CDC25C: variants seen among roughly 807,000 people sequenced by gnomAD.
CDC25C encodes the protein M-phase inducer phosphatase 3.
CDC25C carries 48 observed loss-of-function variants against 52.5 expected under a neutral mutation model. The ratio of observed to expected loss-of-function variants is 0.91; its 90% CI spans 0.72 to 1.16. The LOEUF is 1.16. Among genes scored for constraint, CDC25C ranks in the 50% most tolerant of loss-of-function variants. The probability of loss-of-function intolerance (pLI) is 0.00; values close to 1 mark genes in which losing one functional copy is unlikely to be tolerated. For missense variants in CDC25C, 510 were observed against 566.1 expected, an observed-to-expected ratio of 0.90 and a Z score of 1.01; for synonymous variants, 187 against 206.5, an observed-to-expected ratio of 0.91 and a Z score of 0.81.
chr5:138,294,668 CTAATTTTTTGTATTTT>C (rs1252713440), intron 7 of CDC25C, among the ~76,000 whole-genome samples: 6 of 152,042 alleles, frequency 3.9e-5, no homozygotes, highest in Non-Finnish European at 8.8e-5. Context: ...CCATGCCCAG[CTAATTTTTTGTATTTT>C]TAGTAGAGAT....
At chr5:138,318,352 G>A (rs566002952) in intron 7 of CDC25C, among the ~76,000 whole-genome samples, 5 of 151,950 alleles carry the variant, frequency 3.3e-5, no homozygotes, top group African/African-American at 7.2e-5. Flanking sequence ...ATCACATCTT[G>A]TTGATCTCTG....
rs150884142 is a variant in CDC25C at position 138,285,356 on chromosome 5, C to A, written c.*336G>T. On this transcript the variant is annotated 3_prime_UTR_variant, in exon 14 of 14. Transcript: ENST00000323760. ...AAATACAAAGAAAGAAGGTAGACAA[C>A]GCTCTTGCATAGCCCGAAGCCCAGA... 2.6e-5 allele frequency: 6 copies of A among 227,012 alleles called. No individual in the cohort carries two copies. The East Asian group carries it at 6.6e-4, about 25-fold the overall frequency. 14.1% of individuals were successfully genotyped at this position (227,012 alleles called of 1,614,324 possible). A position where few individuals can be genotyped will look rare whatever the true frequency, so the allele number is the denominator to read the frequency against.
upstream of CDC25C, among the ~76,000 whole-genome samples, chr5:138,334,390 CT>C (rs1488860469): frequency 4.0e-5 from 6 of 151,762 alleles, no homozygotes; most frequent in Non-Finnish European, 8.8e-5. Flanking sequence ...GAGACAGTTT[CT>C]TTCTTGTTGC....
chr5:138,316,713 A>T (rs988939734), intron 7 of CDC25C, among the ~76,000 whole-genome samples: 6 of 152,106 alleles, frequency 3.9e-5, no homozygotes, highest in Non-Finnish European at 7.4e-5. Context: ...AAGAGGAGAG[A>T]GGAGCTATGC....
chr5:138,326,752 G>A (rs1379364166), intron 4 of CDC25C, among the ~76,000 whole-genome samples: 1 of 152,038 alleles, frequency 6.6e-6, no homozygotes, highest in African/African-American at 2.4e-5. Flanking sequence ...TTGGGAGTTC[G>A]CAACCAGCCT....
rs371441246 is a variant in CDC25C, at chr5:138,326,188, C to T, written c.336-134G>A. 6.9e-6 allele frequency: 6 copies of T among 875,064 alleles called. No individual in the cohort carries two copies. The East Asian group carries it at 7.2e-5, about 11-fold the overall frequency. 54.2% of individuals were successfully genotyped at this position (875,064 alleles called of 1,614,324 possible). A position where few individuals can be genotyped will look rare whatever the true frequency, so the allele number is the denominator to read the frequency against. ...TTCCTAGTTGATATGTCTCTTCCAA[C>T]AACAATACATAGGGTATTCTCTGTG... On this transcript the variant is annotated intron_variant, in intron 4 of 13. Transcript: ENST00000323760.
Position 138,289,581 on chromosome 5 carries a change from C to A in CDC25C, c.865-18G>T, listed in dbSNP as rs1756540912. 6.2e-7 allele frequency: 1 copy of A among 1,604,102 alleles called. No homozygotes were observed. Among genetic ancestry groups the A allele is most frequent in the South Asian group, 1.1e-5 (1 of 90,886 alleles). The stretch of plus-strand genomic sequence containing the variant: ...GCACATACCTAGAAATACACAAGAG[C>A]TGAAATAACAGCAAGTATTCCACAC... On this transcript the variant is annotated intron_variant, in intron 9 of 13. Transcript: ENST00000323760.
chr5:138,310,210 T>G (rs1758337622), intron 7 of CDC25C, among the ~76,000 whole-genome samples: 1 of 152,158 alleles, frequency 6.6e-6, no homozygotes, highest in Non-Finnish European at 1.5e-5. Context: ...CTTCAACCCT[T>G]ACTATCATCC....
intron 7 of CDC25C, among the ~76,000 whole-genome samples, chr5:138,292,972 T>C (rs1227293371): frequency 1.3e-5 from 2 of 152,162 alleles, no homozygotes; most frequent in African/African-American, 2.4e-5. Context: ...TGGACTGATT[T>C]AGGAGGGGGG....
intron 1 of CDC25C, 37 bp from the exon 2 acceptor site, chr5:138,331,255 G>C: frequency 7.2e-7 from 1 of 1,385,108 alleles, no homozygotes; most frequent in Non-Finnish European, 1.0e-6. Context: ...GTACATCACA[G>C]TTCCCTCAGC....
chr5:138,289,901 G>A (rs1756569855), intron 9 of CDC25C, among the ~76,000 whole-genome samples: 1 of 151,238 alleles, frequency 6.6e-6, no homozygotes, highest in African/African-American at 2.4e-5. Flanking sequence ...ATAATATGGA[G>A]CTATTAAAAT....
At chr5:138,321,773 A>AAC (rs1344499041) in intron 6 of CDC25C, among the ~76,000 whole-genome samples, 1 of 148,080 alleles carries the variant, frequency 6.8e-6, no homozygotes, top group Non-Finnish European at 1.5e-5. Flanking sequence ...AAAAAAAAAA[A>AAC]AAAAAAAAAC....
chr5:138,331,665 C>T lies in CDC25C; in HGVS notation c.-109G>A. On this transcript the variant is annotated 5_prime_UTR_variant, in exon 1 of 14. Transcript: ENST00000323760. ...GATAGGGATCGGACACAGGCGAAGA[C>T]TTGAGCAGAATGAAAGGAAATCTAG... 1.0e-6 allele frequency: 1 copy of T among 995,240 alleles called. No homozygotes were observed. The highest frequency in any genetic ancestry group is 1.2e-6 in the Non-Finnish European group (1 of 835,114). The allele number at this position is 995,240 out of a possible 1,614,324, so 61.7% of individuals were successfully genotyped here. A position where few individuals can be genotyped will look rare whatever the true frequency, so the allele number is the denominator to read the frequency against.
At chr5:138,310,532 C>T (rs10072318) in intron 7 of CDC25C, among the ~76,000 whole-genome samples, 45,802 of 152,020 alleles carry the variant, frequency 0.3, 7,736 homozygotes, top group South Asian at 0.45. Context: ...ATAGTTTAGT[C>T]GTATACTACA....
chr5:138,287,599 G>A (rs1756357932), intron 10 of CDC25C, among the ~76,000 whole-genome samples: 2 of 152,174 alleles, frequency 1.3e-5, no homozygotes, highest in African/African-American at 4.8e-5. Context: ...TAGAGAGCTT[G>A]AAATTGCAGG....
At chr5:138,290,403 A>C (rs911094110) in intron 9 of CDC25C, among the ~76,000 whole-genome samples, 1 of 152,220 alleles carries the variant, frequency 6.6e-6, no homozygotes, top group African/African-American at 2.4e-5. Context: ...ATATGTTTTT[A>C]AACAGAAAAA....
intron 1 of CDC25C, chr5:138,337,550 A>G: frequency 5.2e-6 from 1 of 192,458 alleles, no homozygotes; most frequent in Non-Finnish European, 1.1e-5. Flanking sequence ...GCTGGGGGGG[A>G]GGGGGCGGAG....
intron 7 of CDC25C, among the ~76,000 whole-genome samples, chr5:138,307,846 T>TG (rs1758140400): frequency 6.6e-6 from 1 of 152,180 alleles, no homozygotes; most frequent in Non-Finnish European, 1.5e-5. Context: ...CCAGCCTTTT[T>TG]GATACTGGGG....
Position 138,319,201 on chromosome 5 carries a change from T to A in CDC25C, c.615+18A>T. The stretch of plus-strand genomic sequence containing the variant: ...AGGAATATGAAGAATACAAAGATAC[T>A]ACCACAGAACACTTTACCTTTGCTT... On this transcript the variant is annotated intron_variant, in intron 7 of 13. Coordinates refer to ENST00000323760, the MANE Select transcript of CDC25C (RefSeq NM_001790.5). The A allele has an allele frequency of 6.3e-7, 1 of 1,595,980 alleles. No homozygotes were observed. Among genetic ancestry groups the A allele is most frequent in the Non-Finnish European group, 8.6e-7 (1 of 1,166,808 alleles).
Sources: gnomAD v4.1 joint callset for allele counts (sites outside exome capture counted in the v4.1 genomes callset) on GRCh38, gnomAD v4.1.1 for gene constraint, MANE v1.5 for transcripts, NCBI Gene and HGNC (gene_info 2026-07-23, HGNC 2026-07-21) for gene names.